GPC5: variants seen among roughly 807,000 people sequenced by gnomAD.
GPC5 encodes glypican 5.
Under a neutral mutation model 53.9 loss-of-function variants are expected in GPC5, and 47 were observed. The ratio of observed to expected loss-of-function variants is 0.87; its 90% CI spans 0.69 to 1.11. The LOEUF is 1.11. GPC5 is among the 50% of genes most tolerant of loss of function. GPC5 has a pLI of 0.00. For missense variants in GPC5, 748 were observed against 713.1 expected, an observed-to-expected ratio of 1.05 and a Z score of -0.56; for synonymous variants, 286 against 263.3, an observed-to-expected ratio of 1.09 and a Z score of -0.84.
At chr13:92,717,660 G>A (rs1888375565) in intron 7 of GPC5, among the ~76,000 whole-genome samples, 1 of 152,126 alleles carries the variant, frequency 6.6e-6, no homozygotes, top group African/African-American at 2.4e-5. Flanking sequence ...AATTCACAAT[G>A]TATTAAAAAG....
At chr13:91,754,281 A>G (rs2037241487) in intron 4 of GPC5, among the ~76,000 whole-genome samples, 1 of 152,168 alleles carries the variant, frequency 6.6e-6, no homozygotes, top group Non-Finnish European at 1.5e-5. Context: ...AATTTTAGAA[A>G]GTGACTGTCA....
At chr13:91,884,028 C>T (rs565240971) in intron 5 of GPC5, among the ~76,000 whole-genome samples, 11 of 152,036 alleles carry the variant, frequency 7.2e-5, no homozygotes, top group South Asian at 6.2e-4. Context: ...ATTAAAGAAA[C>T]GCAAATCAAA....
chr13:91,648,953 A>G (rs2034629374), intron 2 of GPC5, among the ~76,000 whole-genome samples: 1 of 152,124 alleles, frequency 6.6e-6, no homozygotes, highest in Non-Finnish European at 1.5e-5. Context: ...AGTTCCCATA[A>G]TCCCCATGTG....
At chr13:91,703,667 G>T (rs1188158973) in intron 3 of GPC5, among the ~76,000 whole-genome samples, 3 of 152,134 alleles carry the variant, frequency 2.0e-5, no homozygotes, top group Non-Finnish European at 4.4e-5. Flanking sequence ...CTTATAAAAT[G>T]AATTTGGCAG....
At chr13:92,067,240 A>T (rs2041174740) in intron 6 of GPC5, among the ~76,000 whole-genome samples, 1 of 152,082 alleles carries the variant, frequency 6.6e-6, no homozygotes, top group Admixed American at 6.5e-5. Context: ...TTGCCCATTT[A>T]AATGAAGGAA....
chr13:92,630,465 G>C (rs1440416781), intron 7 of GPC5, among the ~76,000 whole-genome samples: 1 of 140,980 alleles, frequency 7.1e-6, no homozygotes, highest in African/African-American at 2.6e-5. Flanking sequence ...GGATTGTTGG[G>C]CAAAACCTTT....
At chr13:92,804,251 G>A (rs912173682) in intron 7 of GPC5, among the ~76,000 whole-genome samples, 3 of 151,898 alleles carry the variant, frequency 2.0e-5, no homozygotes, top group Non-Finnish European at 2.9e-5. Flanking sequence ...AGCAAGCACC[G>A]TGGTAATAAA....
intron 2 of GPC5, among the ~76,000 whole-genome samples, chr13:91,608,519 G>A (rs926935989): frequency 1.3e-5 from 2 of 152,110 alleles, no homozygotes; most frequent in African/African-American, 4.8e-5. Flanking sequence ...TAGAACCATA[G>A]TGTCCACTCA....
chr13:92,588,873 G>A (rs902882079), intron 7 of GPC5, among the ~76,000 whole-genome samples: 1 of 152,050 alleles, frequency 6.6e-6, no homozygotes, highest in Non-Finnish European at 1.5e-5. Context: ...AGCAATTTTT[G>A]CTTGGATTTC....
At chr13:91,701,113 T>C (rs1047860968) in intron 3 of GPC5, among the ~76,000 whole-genome samples, 7 of 152,166 alleles carry the variant, frequency 4.6e-5, no homozygotes, top group Non-Finnish European at 7.4e-5. Context: ...AAATTATATG[T>C]ATTTATGGTG....
intron 7 of GPC5, among the ~76,000 whole-genome samples, chr13:92,188,935 T>C (rs1240770513): frequency 2.6e-5 from 4 of 152,132 alleles, no homozygotes; most frequent in Non-Finnish European, 5.9e-5. Context: ...GCCCTAAAAC[T>C]TGGAGAGACA....
Position 91,912,004 on chromosome 13 carries a change from A to C in GPC5, c.1401+3947A>C, listed in dbSNP as rs1484215970. Reference sequence around the variant, plus strand: ...AGGGAGACCACACAACTGGAAGTGTATGTTTGTAAGCACAGAGTGTGGATA... The same window carrying C: ...AGGGAGACCACACAACTGGAAGTGTCTGTTTGTAAGCACAGAGTGTGGATA... On this transcript the variant is annotated intron_variant, in intron 6 of 7. Transcript: ENST00000377067. Among the ~76,000 whole-genome samples, 5 of 152,184 alleles carry C rather than the reference A, an allele frequency of 3.3e-5. No homozygotes were observed. The East Asian group carries it at 9.6e-4, about 29-fold the overall frequency.
At chr13:92,439,759 C>A (rs1363136952) in intron 7 of GPC5, among the ~76,000 whole-genome samples, 1 of 152,134 alleles carries the variant, frequency 6.6e-6, no homozygotes, top group Non-Finnish European at 1.5e-5. Flanking sequence ...AAATTACCAG[C>A]TATGGCCAGA....
chr13:91,884,412 T>C lies in GPC5; in HGVS notation c.1281-23525T>C, dbSNP rs997998008. ...GGTACATATACACCATGGCATATTA[T>C]GCAGCCATAAAAAGTGAGATCATGC... On this transcript the variant is annotated intron_variant, in intron 5 of 7. Transcript: ENST00000377067. Among the ~76,000 whole-genome samples, 7 of 152,320 alleles carry C rather than the reference T, an allele frequency of 4.6e-5. 1 individual carries two copies. Among genetic ancestry groups the C allele is most frequent in the Admixed American group, 6.5e-5 (1 of 15,288 alleles).
At chr13:92,565,959 C>A (rs149608975) in intron 7 of GPC5, among the ~76,000 whole-genome samples, 1,654 of 152,080 alleles carry the variant, frequency 0.011, 36 homozygotes, top group African/African-American at 0.038. Context: ...GTAGATATTA[C>A]AATGTATTCA....
intron 5 of GPC5, among the ~76,000 whole-genome samples, chr13:91,891,452 G>A (rs1240738786): frequency 1.3e-5 from 2 of 152,176 alleles, no homozygotes; most frequent in East Asian, 1.9e-4. Flanking sequence ...CAATGTTTTC[G>A]ATTGTATCCT....
chr13:91,447,829 C>G (rs908861875), intron 1 of GPC5, among the ~76,000 whole-genome samples: 2 of 151,808 alleles, frequency 1.3e-5, no homozygotes, highest in Non-Finnish European at 2.9e-5. Context: ...CGTATTAGGC[C>G]ATTATGTAAA....
At chr13:91,923,917 A>T (rs2039742181) in intron 6 of GPC5, among the ~76,000 whole-genome samples, 1 of 152,146 alleles carries the variant, frequency 6.6e-6, no homozygotes, top group Admixed American at 6.5e-5. Context: ...CATATATAAC[A>T]AAGCAAGATA....
chr13:92,719,435 G>T (rs1888438903), intron 7 of GPC5, among the ~76,000 whole-genome samples: 1 of 152,120 alleles, frequency 6.6e-6, no homozygotes, highest in East Asian at 1.9e-4. Flanking sequence ...ACTAGGCATT[G>T]AATAATTGCT....
Sources: allele counts gnomAD v4.1 joint callset (sites outside exome capture counted in the v4.1 genomes callset), GRCh38; gene constraint gnomAD v4.1.1; transcripts MANE v1.5; gene names NCBI Gene and HGNC (gene_info 2026-07-23, HGNC 2026-07-21).